The following WWOX variants were observed in gnomAD, a reference collection of about 807,000 sequenced individuals.
The protein encoded by WWOX is WW domain-containing oxidoreductase.
Under a neutral mutation model 46.2 loss-of-function variants are expected in WWOX, and 69 were observed. The observed-to-expected ratio is 1.49, with a 90% CI of 1.23 to 1.82. The LOEUF is 1.82. Among genes scored for constraint, WWOX ranks in the 40% most tolerant of loss-of-function variants. The pLI, the probability that WWOX is intolerant of heterozygous loss-of-function variation, is 0.00. For synonymous variants in WWOX, 359 were observed against 202.6 expected, an observed-to-expected ratio of 1.77 and a Z score of -6.56; for missense variants, 919 against 542.6, an observed-to-expected ratio of 1.69 and a Z score of -6.89.
At chr16:79,046,141 C>G (rs1225272705) in intron 8 of WWOX, among the ~76,000 whole-genome samples, 1 of 152,152 alleles carries the variant, frequency 6.6e-6, no homozygotes, top group Admixed American at 6.5e-5. Flanking sequence ...ATAATCCTCC[C>G]TTGCAGGACT....
chr16:78,639,436 G>T (rs1347518643), intron 8 of WWOX, among the ~76,000 whole-genome samples: 1 of 152,176 alleles, frequency 6.6e-6, no homozygotes, highest in Non-Finnish European at 1.5e-5. Flanking sequence ...GTGCACAGAA[G>T]GAAAGTAAGA....
chr16:78,125,389 T>A (rs2033318201), intron 4 of WWOX, among the ~76,000 whole-genome samples: 1 of 152,134 alleles, frequency 6.6e-6, no homozygotes, highest in South Asian at 2.1e-4. Context: ...AACAGCACAC[T>A]CCTGAATGAG....
At chr16:78,400,426 A>T (rs957059762) in intron 6 of WWOX, among the ~76,000 whole-genome samples, 1 of 152,152 alleles carries the variant, frequency 6.6e-6, no homozygotes, top group Non-Finnish European at 1.5e-5. Context: ...ATCAGCTGGG[A>T]ATCGAACACT....
At chr16:79,166,093 G>A (rs147488253) in intron 8 of WWOX, among the ~76,000 whole-genome samples, 116 of 152,326 alleles carry the variant, frequency 7.6e-4, no homozygotes, top group South Asian at 1.9e-3. Flanking sequence ...ACCTCCCAGC[G>A]TAGTCTTCAG....
At chr16:78,797,668 A>C (rs1484811270) in intron 8 of WWOX, among the ~76,000 whole-genome samples, 1 of 152,168 alleles carries the variant, frequency 6.6e-6, no homozygotes, top group East Asian at 1.9e-4. Context: ...AGTAGCAAAC[A>C]ATATCCCAGA....
At chr16:79,143,821 A>G (rs890505427) in intron 8 of WWOX, among the ~76,000 whole-genome samples, 16 of 152,126 alleles carry the variant, frequency 1.1e-4, no homozygotes, top group Non-Finnish European at 1.9e-4. Context: ...GTTTTAGCCA[A>G]TATTCCAGTC....
intron 6 of WWOX, among the ~76,000 whole-genome samples, chr16:78,396,427 A>G (rs1275499361): frequency 6.6e-6 from 1 of 152,218 alleles, no homozygotes; most frequent in Non-Finnish European, 1.5e-5. Context: ...ATTTCCCAAC[A>G]GAATCCTAGG....
chr16:79,176,498 G>C (rs2050802800), intron 8 of WWOX, among the ~76,000 whole-genome samples: 1 of 152,156 alleles, frequency 6.6e-6, no homozygotes, highest in South Asian at 2.1e-4. Context: ...GCTACTTGAG[G>C]ATACACACAG....
intron 5 of WWOX, among the ~76,000 whole-genome samples, chr16:78,361,759 A>G (rs1436114823): frequency 6.6e-6 from 1 of 151,906 alleles, no homozygotes; most frequent in African/African-American, 2.4e-5. Context: ...TTACAGGTCC[A>G]TGCCACCATG....
intron 8 of WWOX, among the ~76,000 whole-genome samples, chr16:78,454,445 G>A (rs1016571276): frequency 6.6e-6 from 1 of 151,830 alleles, no homozygotes; most frequent in African/African-American, 2.4e-5. Flanking sequence ...TTTTATCTGA[G>A]CAGTGTCCTG....
chr16:78,452,932 T>G (rs76910796), intron 8 of WWOX, among the ~76,000 whole-genome samples: 17,008 of 149,102 alleles, frequency 0.11, 1,455 homozygotes, highest in African/African-American at 0.24. Context: ...AAGTACCATG[T>G]CAAGATTATG....
intron 8 of WWOX, among the ~76,000 whole-genome samples, chr16:79,194,236 A>G (rs1421128263): frequency 6.6e-6 from 1 of 152,192 alleles, no homozygotes; most frequent in East Asian, 1.9e-4. Context: ...TTGACTGGTC[A>G]TTTTGTTTAT....
intron 5 of WWOX, among the ~76,000 whole-genome samples, chr16:78,366,707 A>G (rs895603643): frequency 1.3e-5 from 2 of 152,296 alleles, no homozygotes; most frequent in East Asian, 1.9e-4. Context: ...TACTTGAAAA[A>G]TCTAAAATGC....
chr16:79,070,876 T>G (rs2048537135), intron 8 of WWOX, among the ~76,000 whole-genome samples: 1 of 152,152 alleles, frequency 6.6e-6, no homozygotes, highest in African/African-American at 2.4e-5. Context: ...TTGACTATAT[T>G]CTCCACAGAA....
intron 7 of WWOX, among the ~76,000 whole-genome samples, chr16:78,426,014 C>G (rs1453999249): frequency 2.6e-5 from 4 of 152,166 alleles, no homozygotes; most frequent in African/African-American, 9.7e-5. Flanking sequence ...AACCCTTTAT[C>G]ACTCCCAAAC....
Position 79,192,300 on chromosome 16 carries a change from G to GATTC in WWOX, c.1057-19273_1057-19270dup, listed in dbSNP as rs3032258. ...CCCAAACAGCTGTTATTTTCGCAGTGATTCATTCATTCATTCATTCATTCA... is the reference window on the plus strand; with the variant it reads ...CCCAAACAGCTGTTATTTTCGCAGTGATTCATTCATTCATTCATTCATTCATTCA... On this transcript the variant is annotated intron_variant, in intron 8 of 8. Coordinates refer to ENST00000566780, the MANE Select transcript of WWOX (RefSeq NM_016373.4). Among the ~76,000 whole-genome samples, 1,449 of 151,210 alleles carry GATTC rather than the reference G, an allele frequency of 9.6e-3. 5 individuals carry two copies. Among genetic ancestry groups the GATTC allele is most frequent in the Middle Eastern group, 0.024 (7 of 292 alleles).
chr16:78,380,429 A>C (rs1242896757), intron 5 of WWOX, among the ~76,000 whole-genome samples: 1 of 152,126 alleles, frequency 6.6e-6, no homozygotes, highest in Non-Finnish European at 1.5e-5. Flanking sequence ...AGGGATAAAT[A>C]ACTGCTGTGG....
chr16:78,655,143 G>A (rs879550699), intron 8 of WWOX, among the ~76,000 whole-genome samples: 7 of 151,918 alleles, frequency 4.6e-5, no homozygotes, highest in South Asian at 2.1e-4. Context: ...AACTAGCTTC[G>A]GGGACTCGCT....
At chr16:78,149,214 T>A (rs926900936) in intron 4 of WWOX, among the ~76,000 whole-genome samples, 5 of 152,106 alleles carry the variant, frequency 3.3e-5, no homozygotes, top group African/African-American at 1.2e-4. Flanking sequence ...TGAAGACTTT[T>A]GGAAATTAAA....
Sources: gnomAD v4.1 joint callset for allele counts (sites outside exome capture counted in the v4.1 genomes callset) on GRCh38, gnomAD v4.1.1 for gene constraint, MANE v1.5 for transcripts, NCBI Gene and HGNC (gene_info 2026-07-23, HGNC 2026-07-21) for gene names.